The following ARAP2 variants were observed in gnomAD, a reference collection of about 807,000 sequenced individuals.
ARAP2 encodes the protein arf-GAP with Rho-GAP domain, ANK repeat and PH domain-containing protein 2.
In ARAP2, 148 loss-of-function variants were observed where a neutral mutation model predicts 194.5. The ratio of observed to expected loss-of-function variants is 0.76; its 90% confidence interval spans 0.67 to 0.87. The LOEUF (loss-of-function observed/expected upper bound fraction) is 0.87, where lower values mean the gene tolerates loss of function less well. Ranked by LOEUF, ARAP2 falls within the 40% of genes least tolerant of loss-of-function variation. The probability of loss-of-function intolerance (pLI) is 0.00; values close to 1 mark genes in which losing one functional copy is unlikely to be tolerated. For missense variants in ARAP2, 2,128 were observed against 1,989.7 expected (o/e 1.07, Z -1.32); for synonymous variants, 695 against 683.5 (o/e 1.02, Z -0.26).
intron 9 of ARAP2, among the ~76,000 whole-genome samples, chr4:36,171,661 A>G (rs1010431449): frequency 1.3e-5 from 2 of 152,088 alleles, no homozygotes; most frequent in Non-Finnish European, 2.9e-5. Flanking sequence ...CCTAAAACTT[A>G]AAGTATAATA....
At chr4:36,032,880 T>C (rs746084629) in intron 5 of ARAP2, among the ~76,000 whole-genome samples, 1 of 152,150 alleles carries the variant, frequency 6.6e-6, no homozygotes, top group African/African-American at 2.4e-5. Flanking sequence ...GTTGTGTCCA[T>C]GAGGTCTTAA....
At chr4:36,076,159 G>C (rs1728208035) in intron 31 of ARAP2, among the ~76,000 whole-genome samples, 1 of 151,918 alleles carries the variant, frequency 6.6e-6, no homozygotes, top group African/African-American at 2.4e-5. Flanking sequence ...ATCTATAATT[G>C]CTCAGCTCAA....
intron 9 of ARAP2, among the ~76,000 whole-genome samples, chr4:36,174,068 A>G (rs1737270288): frequency 6.6e-6 from 1 of 152,220 alleles, no homozygotes; most frequent in Admixed American, 6.5e-5. Flanking sequence ...GGCCCCAGAA[A>G]GCAGAGATCT....
intron 30 of ARAP2, among the ~76,000 whole-genome samples, chr4:36,080,863 G>A (rs1729373213): frequency 6.6e-6 from 1 of 152,142 alleles, no homozygotes; most frequent in African/African-American, 2.4e-5. Flanking sequence ...GGGGAGCTAA[G>A]CATATAGACA....
At chr4:36,135,968 GA>G (rs940335274) in intron 19 of ARAP2, among the ~76,000 whole-genome samples, 1 of 151,654 alleles carries the variant, frequency 6.6e-6, no homozygotes, top group Admixed American at 6.6e-5. Flanking sequence ...TTTCTAGTCA[GA>G]AAAAAATCCA....
intron 20 of ARAP2, among the ~76,000 whole-genome samples, chr4:36,129,044 C>T (rs1334537070): frequency 1.3e-5 from 2 of 151,936 alleles, no homozygotes; most frequent in East Asian, 3.9e-4. Context: ...GCCCTATCTT[C>T]ACTTAGTCTC....
chr4:36,168,081 T>C (rs1230193085), intron 9 of ARAP2, among the ~76,000 whole-genome samples: 2 of 152,046 alleles, frequency 1.3e-5, no homozygotes, highest in Non-Finnish European at 2.9e-5. Flanking sequence ...GAGCCATTCA[T>C]CTGCCTCTTC....
chr4:36,116,108 C>A (rs1721253490), intron 25 of ARAP2, among the ~76,000 whole-genome samples: 1 of 151,764 alleles, frequency 6.6e-6, no homozygotes, highest in South Asian at 2.1e-4. Flanking sequence ...ATGACATGGC[C>A]AAGGAGTGGC....
intron 22 of ARAP2, among the ~76,000 whole-genome samples, chr4:36,121,819 A>C (rs1283394150): frequency 6.6e-6 from 1 of 151,782 alleles, no homozygotes; most frequent in East Asian, 1.9e-4. Flanking sequence ...ATGAGAAAGA[A>C]TATCTGGGCC....
intron 3 of ARAP2, among the ~76,000 whole-genome samples, chr4:36,047,695 T>G (rs1339923267): frequency 6.6e-6 from 1 of 152,238 alleles, no homozygotes; most frequent in Non-Finnish European, 1.5e-5. Context: ...TACTCTTTTG[T>G]GACTCACATA....
Position 36,049,144 on chromosome 4 carries a change from T to A in ARAP2, n.370-2295A>T, listed in dbSNP as rs1722271599. 2.0e-5 allele frequency among the ~76,000 whole-genome samples: 3 copies of A among 147,336 alleles called. No individual in the cohort carries two copies. The South Asian group carries it at 6.5e-4, about 32-fold the overall frequency. ...GTAGCATTGTTTTTATCTATTTCTG[T>A]AAAAAAAAAAGTCTTTGAGATTTTG... is the stretch of plus-strand genomic sequence containing the variant. On this transcript the variant is annotated intron_variant and non_coding_transcript_variant, in intron 3 of 12. Coordinates refer to the ARAP2 transcript ENST00000503225.
At chr4:36,188,520 G>A (rs540067735) in intron 7 of ARAP2, among the ~76,000 whole-genome samples, 6 of 152,278 alleles carry the variant, frequency 3.9e-5, no homozygotes, top group East Asian at 1.9e-4. Context: ...AGACAAGTGC[G>A]TGGGGGGCAT....
chr4:36,005,617 T>G (rs1487347635), intron 10 of ARAP2: 1 of 152,062 alleles, frequency 6.6e-6, no homozygotes, highest in Non-Finnish European at 1.5e-5. Flanking sequence ...TAGTCAAAAT[T>G]TTATATTATA....
intron 5 of ARAP2, among the ~76,000 whole-genome samples, chr4:36,039,180 T>C (rs1035105178): frequency 2.6e-5 from 4 of 152,184 alleles, no homozygotes; most frequent in African/African-American, 9.6e-5. Context: ...TGCAGAGCTC[T>C]GCCTCCCTCT....
At chr4:36,105,116 T>A (rs1293913575) in intron 27 of ARAP2, among the ~76,000 whole-genome samples, 1 of 151,980 alleles carries the variant, frequency 6.6e-6, no homozygotes, top group Non-Finnish European at 1.5e-5. Flanking sequence ...GGTCAGCAAT[T>A]CGAGACCAGC....
At chr4:36,163,583 A>T (rs902981728) in intron 11 of ARAP2, among the ~76,000 whole-genome samples, 5 of 152,244 alleles carry the variant, frequency 3.3e-5, no homozygotes, top group African/African-American at 1.2e-4. Flanking sequence ...TCTATGAAAG[A>T]AAAAGGGGAC....
chr4:36,160,069 T>C (rs901463937), intron 13 of ARAP2: 1 of 983,016 alleles, frequency 1.0e-6, no homozygotes, highest in South Asian at 4.7e-5. Context: ...ATATCATCTT[T>C]GTACAAACAA....
At chr4:36,072,577 C>T (rs1487365679) in intron 32 of ARAP2, among the ~76,000 whole-genome samples, 1 of 151,524 alleles carries the variant, frequency 6.6e-6, no homozygotes, top group African/African-American at 2.4e-5. Context: ...TGTTCCCTGT[C>T]CTGGGTTCCT....
At chr4:36,157,227 T>C (rs1032203448) in intron 15 of ARAP2, among the ~76,000 whole-genome samples, 1 of 152,216 alleles carries the variant, frequency 6.6e-6, no homozygotes, top group Non-Finnish European at 1.5e-5. Context: ...GATATCCCAG[T>C]ATTTAGAAGA....
Sources: gnomAD v4.1 joint callset for allele counts (sites outside exome capture counted in the v4.1 genomes callset) on GRCh38, gnomAD v4.1.1 for gene constraint, MANE v1.5 for transcripts, NCBI Gene and HGNC (gene_info 2026-07-23, HGNC 2026-07-21) for gene names.